The following DOCK2 variants were observed in gnomAD, a reference collection of about 807,000 sequenced individuals.
The protein encoded by DOCK2 is dedicator of cytokinesis protein 2.
Under a neutral mutation model 248.9 loss-of-function variants are expected in DOCK2, and 87 were observed. That is an observed-to-expected ratio of 0.35 (90% confidence interval 0.29 to 0.42). The LOEUF (loss-of-function observed/expected upper bound fraction) is 0.42, where lower values mean the gene tolerates loss of function less well. Ranked by LOEUF, DOCK2 falls within the 10% of genes least tolerant of loss-of-function variation. DOCK2 has a pLI of 1.00. For synonymous variants in DOCK2, 805 were observed against 821.6 expected, an observed-to-expected ratio of 0.98 and a Z score of 0.35; for missense variants, 1,747 against 2,300.2, an observed-to-expected ratio of 0.76 and a Z score of 4.92.
chr5:169,967,067 A>G (rs1450071282), intron 27 of DOCK2, among the ~76,000 whole-genome samples: 1 of 152,222 alleles, frequency 6.6e-6, no homozygotes, highest in African/African-American at 2.4e-5. Context: ...GCACTGTGCC[A>G]GGTGCTAGGG....
intron 25 of DOCK2, 67 bp from the exon 26 acceptor site, chr5:169,802,991 C>A (rs1767095511): frequency 1.3e-6 from 2 of 1,539,584 alleles, no homozygotes; most frequent in East Asian, 4.6e-5. Context: ...ACATTGTATG[C>A]ATATATGAAA....
intron 1 of DOCK2, among the ~76,000 whole-genome samples, chr5:169,639,423 C>A (rs532167033): frequency 6.6e-6 from 1 of 152,232 alleles, no homozygotes; most frequent in Admixed American, 6.5e-5. Flanking sequence ...AGAAAACCTC[C>A]AAAATTGTGG....
At chr5:169,867,911 T>A (rs1463792345) in intron 27 of DOCK2, among the ~76,000 whole-genome samples, 18 of 152,062 alleles carry the variant, frequency 1.2e-4, no homozygotes, top group Admixed American at 1.2e-3. Context: ...ACATGGTGAG[T>A]TGCAAGCTCT....
chr5:169,887,549 G>A (rs888265847), intron 27 of DOCK2, among the ~76,000 whole-genome samples: 14 of 152,108 alleles, frequency 9.2e-5, no homozygotes, highest in Non-Finnish European at 1.9e-4. Context: ...ACACATTATG[G>A]TGTACAGATC....
intron 30 of DOCK2, among the ~76,000 whole-genome samples, chr5:170,001,833 G>A (rs754588941): frequency 1.3e-5 from 2 of 152,172 alleles, no homozygotes; most frequent in Non-Finnish European, 2.9e-5. Flanking sequence ...CAGATGTTGT[G>A]AACAGGGTAT....
intron 26 of DOCK2, among the ~76,000 whole-genome samples, chr5:169,828,912 T>G (rs1246452734): frequency 6.6e-6 from 1 of 152,214 alleles, no homozygotes; most frequent in Non-Finnish European, 1.5e-5. Context: ...CTAATCCCTG[T>G]CCTCAAGTAA....
At chr5:169,808,078 C>T (rs1157770575) in intron 26 of DOCK2, among the ~76,000 whole-genome samples, 1 of 152,154 alleles carries the variant, frequency 6.6e-6, no homozygotes, top group East Asian at 1.9e-4. Context: ...AAAAAGGCCC[C>T]CAGAGCAAAT....
intron 22 of DOCK2, among the ~76,000 whole-genome samples, chr5:169,733,326 A>G (rs1454733697): frequency 1.3e-5 from 2 of 151,982 alleles, no homozygotes; most frequent in Non-Finnish European, 2.9e-5. Context: ...ATAAGATTTC[A>G]GAAGGCTCTG....
chr5:170,028,738 C>A (rs1756013775), intron 34 of DOCK2, among the ~76,000 whole-genome samples: 1 of 123,382 alleles, frequency 8.1e-6, no homozygotes, highest in Non-Finnish European at 1.6e-5. Context: ...CACTGCTCTG[C>A]CAACACACAC....
intron 7 of DOCK2, among the ~76,000 whole-genome samples, chr5:169,682,420 A>C (rs192748751): frequency 1.3e-5 from 2 of 152,348 alleles, no homozygotes; most frequent in African/African-American, 4.8e-5. Flanking sequence ...AAGGAGTAGG[A>C]AAGCCAAACA....
At chr5:169,818,341 C>A in intron 26 of DOCK2, among the ~76,000 whole-genome samples, 1 of 152,176 alleles carries the variant, frequency 6.6e-6, no homozygotes, top group Admixed American at 6.5e-5. Context: ...TAGCACAGTG[C>A]CCAGCACATT....
In DOCK2 at chr5:169,740,439, T is replaced by G. The variant is rs1581122648; in HGVS notation, c.2268-6957T>G. On this transcript the variant is annotated intron_variant, in intron 22 of 51. Coordinates refer to ENST00000520908, the MANE Select transcript of DOCK2 (RefSeq NM_004946.3). ...CTTCTTTTCTCTCATCCACAAATCA[T>G]TCTTTCCTGGTGTTATTTACAGGAA... Among the ~76,000 whole-genome samples, 8 of 152,362 alleles carry G rather than the reference T, an allele frequency of 5.3e-5. No individual in the cohort carries two copies. In the Middle Eastern group the frequency reaches 0.01, roughly 194 times the overall value.
intron 22 of DOCK2, among the ~76,000 whole-genome samples, chr5:169,724,417 G>T (rs964899951): frequency 6.6e-6 from 1 of 152,160 alleles, no homozygotes; most frequent in Non-Finnish European, 1.5e-5. Context: ...CACAGGGCAG[G>T]CCAGGTGAGC....
intron 27 of DOCK2, among the ~76,000 whole-genome samples, chr5:169,871,891 G>A (rs748093116): frequency 6.6e-6 from 1 of 152,156 alleles, no homozygotes; most frequent in Non-Finnish European, 1.5e-5. Flanking sequence ...CCCAAAAAAG[G>A]TGCTCTCCTT....
At chr5:169,860,403 A>ACCCT (rs1445602785) in intron 27 of DOCK2, among the ~76,000 whole-genome samples, 1 of 152,106 alleles carries the variant, frequency 6.6e-6, no homozygotes, top group African/African-American at 2.4e-5. Flanking sequence ...CCCAATGTGT[A>ACCCT]CCCTACATTG....
At position 169,704,855 on chromosome 5, in the gene DOCK2, T is replaced by C. The variant is rs111505304; in HGVS notation, c.1383+2428T>C. On this transcript the variant is annotated intron_variant, in intron 14 of 51. Transcript: ENST00000520908. ...CCACAAAAATTAAAAATTTTAAAAT[T>C]AAAAAATTTTAAAAATAAACATGCT... is the stretch of plus-strand genomic sequence containing the variant. Among the ~76,000 whole-genome samples, 215 of 150,896 alleles carry C rather than the reference T, an allele frequency of 1.4e-3. 1 individual carries two copies. Among genetic ancestry groups the C allele is most frequent in the African/African-American group, 5.1e-3 (210 of 41,054 alleles).
At chr5:169,865,187 T>C (rs1335146274) in intron 27 of DOCK2, among the ~76,000 whole-genome samples, 1 of 152,210 alleles carries the variant, frequency 6.6e-6, no homozygotes, top group African/African-American at 2.4e-5. Context: ...TTTTTCGTTG[T>C]TGTTGTTGTT....
chr5:169,675,425 G>T (rs1759275667), intron 6 of DOCK2, among the ~76,000 whole-genome samples: 1 of 152,194 alleles, frequency 6.6e-6, no homozygotes, highest in Non-Finnish European at 1.5e-5. Context: ...GCTAGGTATT[G>T]GGGCTGTAGA....
intron 17 of DOCK2, among the ~76,000 whole-genome samples, chr5:169,712,729 T>C (rs1761654198): frequency 1.3e-5 from 2 of 152,212 alleles, no homozygotes; most frequent in South Asian, 4.1e-4. Context: ...GCAATATTTA[T>C]GACAACCCAC....
Sources: gnomAD v4.1 joint callset for allele counts (sites outside exome capture counted in the v4.1 genomes callset) on GRCh38, gnomAD v4.1.1 for gene constraint, MANE v1.5 for transcripts, NCBI Gene and HGNC (gene_info 2026-07-23, HGNC 2026-07-21) for gene names.